Variants in RRP36 observed in about 807,000 individuals in gnomAD.
RRP36 encodes the protein ribosomal RNA processing 36, also known as ribosomal RNA processing protein 36 homolog.
RRP36 carries 44 observed loss-of-function variants against 39.8 expected under a neutral mutation model. That is an observed-to-expected ratio of 1.10 (90% CI 0.87 to 1.42). RRP36 has a LOEUF of 1.42. Ranked by LOEUF, RRP36 falls within the 40% of genes most tolerant of loss-of-function variation. RRP36 has a pLI of 0.00. For synonymous variants in RRP36, 124 were observed against 123.1 expected (o/e 1.01, Z -0.05); for missense variants, 316 against 322.4 (o/e 0.98, Z 0.15).
chr6:43,022,456 C>T lies in RRP36; in HGVS notation c.130+672C>T, dbSNP rs565829133. On this transcript the variant is annotated intron_variant, in intron 1 of 6. Transcript: ENST00000244496. ...TGAGACAAAGTCTCGCCCTGTAGCC[C>T]AGGCTGGAGTGTAGTTGCACCATGA... Among the ~76,000 whole-genome samples the T allele has an allele frequency of 2.9e-4, 44 of 151,810 alleles. 1 individual carries two copies. Among genetic ancestry groups the T allele is most frequent in the African/African-American group, 1.0e-3 (42 of 41,402 alleles).
intron 4 of RRP36, 74 bp from the exon 5 acceptor site, chr6:43,027,104 G>A (rs750122608): frequency 7.4e-7 from 1 of 1,354,986 alleles, no homozygotes; most frequent in South Asian, 1.2e-5. Context: ...GAACTTCTTA[G>A]GATAATGCTT....
rs763803928 is a variant in RRP36, at chr6:43,021,684, C to T, written c.30C>T (p.Ala10=). ...CGGGAGCTAACTACCGCGCCGGGGC[C>T]GGGGCCGGGGCCGGGGCCCGACGTC... MPGANYRAG[A]GAGAGARRPR... is the part of the protein sequence containing the mutation. Residue 10 remains alanine (A), a synonymous_variant, in exon 1 of 7, where the codon GCC becomes GCT. Transcript: ENST00000244496. 3 of 1,231,136 alleles carry T rather than the reference C, an allele frequency of 2.4e-6. No individual in the cohort carries two copies. The highest frequency in any genetic ancestry group is 1.6e-5 in the African/African-American group (1 of 64,016). The allele number at this position is 1,231,136 out of a possible 1,614,324, so 76.3% of individuals were successfully genotyped here. A position where few individuals can be genotyped will look rare whatever the true frequency, so the allele number is the denominator to read the frequency against.
chr6:43,022,951 G>A (rs1762753344), intron 1 of RRP36, among the ~76,000 whole-genome samples: 1 of 151,834 alleles, frequency 6.6e-6, no homozygotes, highest in South Asian at 2.1e-4. Flanking sequence ...ATGTTACCAG[G>A]TGCCAGGGCT....
chr6:43,024,776 T>C (rs970813052), intron 1 of RRP36, among the ~76,000 whole-genome samples: 1 of 152,208 alleles, frequency 6.6e-6, no homozygotes, highest in Non-Finnish European at 1.5e-5. Flanking sequence ...TGACCTTACA[T>C]ATACACCTTC....
chr6:43,027,577 T>C, intron 6 of RRP36, 100 bp downstream of exon 6: 2 of 939,582 alleles, frequency 2.1e-6, no homozygotes, highest in East Asian at 2.4e-5. Flanking sequence ...AAGGAAGGCA[T>C]GAAGGCTGGA....
rs761524703 is a variant in RRP36, at chr6:43,024,975, A to C, written c.131-10A>C. On this transcript the variant is annotated splice_polypyrimidine_tract_variant and intron_variant, in intron 1 of 6. Coordinates refer to ENST00000244496, the MANE Select transcript of RRP36 (RefSeq NM_033112.4). ...TGAGCTGAGTTGTATGTCCCTCCCC[A>C]CTTCCACAGGCACATCTAACATGTC... 11 of 1,613,294 alleles carry C rather than the reference A, an allele frequency of 6.8e-6. No individual in the cohort carries two copies. In the South Asian group the frequency reaches 1.2e-4, roughly 18 times the overall value.
At chr6:43,021,900 A>G in intron 1 of RRP36, 116 bp downstream of exon 1, 1 of 759,734 alleles carries the variant, frequency 1.3e-6, no homozygotes, top group Non-Finnish European at 1.8e-6. Context: ...CAGACGCTAC[A>G]CTAGGGGTGC....
intron 6 of RRP36, 147 bp from the exon 7 acceptor site, chr6:43,028,945 T>G (rs1216298421): frequency 9.4e-7 from 1 of 1,059,834 alleles, no homozygotes; most frequent in African/African-American, 1.6e-5. Flanking sequence ...AGAGCAGGAC[T>G]CCGTCTCAGA....
Position 43,025,303 on chromosome 6 carries a change from C to A in RRP36, c.319C>A (p.Arg107Ser), listed in dbSNP as rs760969484. 6.2e-7 allele frequency: 1 copy of A among 1,613,920 alleles called. No homozygotes were observed. Among genetic ancestry groups the A allele is most frequent in the South Asian group, 1.1e-5 (1 of 91,070 alleles). ...MSAKIRVPFLRQVVPISKKVA... is the reference protein window; with the variant it reads ...MSAKIRVPFLSQVVPISKKVA... ...AGCCAAGATCCGAGTACCATTTTTA[C>A]GTCAGGTTGTTCCCATTAGTAAAAA... The change falls in exon 3 of 7, where the codon CGT becomes AGT. Residue 107 changes from arginine (R) to serine (S), a missense_variant. Coordinates refer to ENST00000244496, the MANE Select transcript of RRP36 (RefSeq NM_033112.4).
chr6:43,026,497 A>AC (rs1248943549), intron 4 of RRP36, among the ~76,000 whole-genome samples: 1 of 151,762 alleles, frequency 6.6e-6, no homozygotes, highest in Non-Finnish European at 1.5e-5. Flanking sequence ...ACATGGTGAA[A>AC]CCCCATCTCT....
intron 6 of RRP36, among the ~76,000 whole-genome samples, chr6:43,028,348 CAAAAA>C (rs926543478): frequency 2.0e-5 from 3 of 146,534 alleles, no homozygotes; most frequent in African/African-American, 7.7e-5. Context: ...AACAAACAAA[CAAAAA>C]AAAGTCACCA....
intron 3 of RRP36, among the ~76,000 whole-genome samples, chr6:43,025,622 CAAAAAAAAAAAAA>C (rs1219326852): frequency 7.8e-5 from 5 of 63,696 alleles, no homozygotes; most frequent in South Asian, 1.1e-3. Flanking sequence ...GACTCTGTCT[CAAAAAAAAAAAAA>C]AAAAAAAAAA....
rs151040501 is a variant in RRP36 at position 43,022,688 on chromosome 6, A to C, written c.130+904A>C. Among the ~76,000 whole-genome samples, 408 of 138,924 alleles carry C rather than the reference A, an allele frequency of 2.9e-3. 3 individuals carry two copies. Among genetic ancestry groups the C allele is most frequent in the African/African-American group, 0.011 (386 of 35,680 alleles). The allele number at this position is 138,924 out of a possible 152,430, so 91.1% of individuals were successfully genotyped here. ...CGCTCTGTTGCCCATGCTGGAGTGCAGTAGCGCGATCTCAGCTCACTGCAA... is the reference window on the plus strand; with the variant it reads ...CGCTCTGTTGCCCATGCTGGAGTGCCGTAGCGCGATCTCAGCTCACTGCAA... On this transcript the variant is annotated intron_variant, in intron 1 of 6. Coordinates refer to ENST00000244496, the MANE Select transcript of RRP36 (RefSeq NM_033112.4).
chr6:43,028,985 A>G (rs1420128014), intron 6 of RRP36, 107 bp from the exon 7 acceptor site: 14 of 1,436,514 alleles, frequency 9.7e-6, no homozygotes, highest in Non-Finnish European at 9.5e-6. Context: ...AGTGAGCTTT[A>G]AAGAACTCAT....
chr6:43,024,813 T>C (rs561488799), intron 1 of RRP36, among the ~76,000 whole-genome samples, 172 bp from the exon 2 acceptor site: 11 of 152,340 alleles, frequency 7.2e-5, no homozygotes, highest in Admixed American at 1.3e-4. Flanking sequence ...CCCAGGTTGC[T>C]GAAATAGTTG....
intron 1 of RRP36, 151 bp downstream of exon 1, chr6:43,021,935 G>A: frequency 5.8e-6 from 3 of 512,878 alleles, no homozygotes; most frequent in Non-Finnish European, 8.7e-6. Flanking sequence ...AAAGTGGGGG[G>A]TGAGAGTAGA....
At chr6:43,028,199 C>T (rs1433907600) in intron 6 of RRP36, among the ~76,000 whole-genome samples, 2 of 151,616 alleles carry the variant, frequency 1.3e-5, no homozygotes, top group South Asian at 2.1e-4. Context: ...GGCCTGGTGG[C>T]GTGCACCTGT....
intron 1 of RRP36, among the ~76,000 whole-genome samples, chr6:43,023,722 A>G (rs1762766670): frequency 6.6e-6 from 1 of 152,178 alleles, no homozygotes; most frequent in Non-Finnish European, 1.5e-5. Flanking sequence ...GGAGACAAGT[A>G]AATTATTACA....
At chr6:43,022,604 T>C (rs1762743384) in intron 1 of RRP36, among the ~76,000 whole-genome samples, 1 of 150,158 alleles carries the variant, frequency 6.7e-6, no homozygotes, top group African/African-American at 2.5e-5. Context: ...TATTTATTTA[T>C]TTATTTAATG....
Sources: gnomAD v4.1 joint callset for allele counts (sites outside exome capture counted in the v4.1 genomes callset) on GRCh38, gnomAD v4.1.1 for gene constraint, MANE v1.5 for transcripts, NCBI Gene and HGNC (gene_info 2026-07-23, HGNC 2026-07-21) for gene names.